The following CLDN16 variants were observed in gnomAD, a reference collection of about 807,000 sequenced individuals.
The protein encoded by CLDN16 is claudin 16.
Under a neutral mutation model 24.6 loss-of-function variants are expected in CLDN16, and 13 were observed. That is an observed-to-expected ratio of 0.53 (90% CI 0.34 to 0.84). CLDN16 has a LOEUF of 0.84. Among genes scored for constraint, CLDN16 ranks in the 40% least tolerant of loss-of-function variants. The probability of loss-of-function intolerance (pLI) is 0.01; values close to 1 mark genes in which losing one functional copy is unlikely to be tolerated. For missense variants in CLDN16, 298 were observed against 292.7 expected (o/e 1.02, Z -0.13); for synonymous variants, 116 against 106.7 (o/e 1.09, Z -0.54).
chr3:190,303,877 CT>C, the CLDN16 span, among the ~76,000 whole-genome samples: 2 of 119,982 alleles, frequency 1.7e-5, no homozygotes, highest in Non-Finnish European at 3.4e-5. Flanking sequence ...TTAACTCCTC[CT>C]TTTCCCCACA....
At chr3:190,383,389 G>A (rs1191297823), upstream of CLDN16, among the ~76,000 whole-genome samples, 1 of 151,970 alleles carries the variant, frequency 6.6e-6, no homozygotes, top group African/African-American at 2.4e-5. Context: ...AGAGAAACAC[G>A]GTAAACCTGT....
chr3:190,293,638 T>A, the CLDN16 span, among the ~76,000 whole-genome samples: 2 of 152,198 alleles, frequency 1.3e-5, no homozygotes, highest in African/African-American at 4.8e-5. Context: ...AATATCCAAT[T>A]GAGAAGTGAG....
chr3:190,368,363 C>T (rs1469219721), intron 1 of CLDN16, among the ~76,000 whole-genome samples: 1 of 151,906 alleles, frequency 6.6e-6, no homozygotes, highest in Non-Finnish European at 1.5e-5. Context: ...AATTCTTTCC[C>T]CCATTGTGCC....
intron 1 of CLDN16, among the ~76,000 whole-genome samples, chr3:190,331,454 C>T (rs561445018): frequency 7.9e-5 from 12 of 152,122 alleles, no homozygotes; most frequent in Admixed American, 2.6e-4. Context: ...TAATCTAGGC[C>T]CTAACTGCAT....
the CLDN16 span, among the ~76,000 whole-genome samples, chr3:190,311,241 A>G: frequency 6.6e-6 from 1 of 152,234 alleles, no homozygotes; most frequent in African/African-American, 2.4e-5. Context: ...AAGCGAAGGA[A>G]GAATGCAATG....
chr3:190,322,529 G>T (rs1397355508), upstream of CLDN16: 1 of 337,500 alleles, frequency 3.0e-6, no homozygotes. Context: ...GGCGGTTTCA[G>T]GGCGGCTCAC....
chr3:190,369,474 A>G (rs1718089304), intron 1 of CLDN16, among the ~76,000 whole-genome samples: 1 of 151,982 alleles, frequency 6.6e-6, no homozygotes, highest in African/African-American at 2.4e-5. Context: ...TTATTACACA[A>G]CAAATATTCA....
At chr3:190,364,867 G>A (rs903814973) in intron 1 of CLDN16, among the ~76,000 whole-genome samples, 1 of 151,162 alleles carries the variant, frequency 6.6e-6, no homozygotes, top group African/African-American at 2.4e-5. Context: ...CACGCCCCAC[G>A]TCACAGAGCC....
chr3:190,340,204 A>G (rs58809120), intron 1 of CLDN16, among the ~76,000 whole-genome samples: 5,983 of 152,304 alleles, frequency 0.039, 394 homozygotes, highest in African/African-American at 0.13. Context: ...CACAGCTAAC[A>G]TAAACAATGG....
chr3:190,357,725 A>G (rs377327106), intron 1 of CLDN16, among the ~76,000 whole-genome samples: 2 of 151,938 alleles, frequency 1.3e-5, no homozygotes, highest in African/African-American at 2.4e-5. Flanking sequence ...CCATCAGCCC[A>G]GATTGCAAAT....
chr3:190,388,549 C>A, intron 1 of CLDN16, 106 bp downstream of exon 1: 1 of 888,750 alleles, frequency 1.1e-6, no homozygotes, highest in Admixed American at 1.7e-5. Context: ...CTAATGATAC[C>A]AAAAATAGGC....
chr3:190,409,186 A>ACACACTTATATGCATGTATATATG lies in CLDN16; in HGVS notation c.574+686_574+687insTTATATGCATGTATATATGCACAC, dbSNP rs1491109328. 1.9e-4 allele frequency among the ~76,000 whole-genome samples: 19 copies of ACACACTTATATGCATGTATATATG among 99,582 alleles called. No individual in the cohort carries two copies. In the South Asian group the frequency reaches 6.0e-3, roughly 31 times the overall value. The allele number at this position is 99,582 out of a possible 152,430, so 65.3% of individuals were successfully genotyped here. On this transcript the variant is annotated intron_variant, in intron 4 of 4. Transcript: ENST00000264734. ...CACCCATGTATATGCATGTATATAT[A>ACACACTTATATGCATGTATATATG]CACACACGTATATGCATGTATATAT...
intron 1 of CLDN16, among the ~76,000 whole-genome samples, chr3:190,357,936 C>T (rs548497372): frequency 1.4e-4 from 21 of 151,896 alleles, no homozygotes; most frequent in African/African-American, 3.6e-4. Flanking sequence ...AATTCCTTCA[C>T]AGGAGAGATT....
intron 3 of CLDN16, among the ~76,000 whole-genome samples, chr3:190,379,981 CT>C (rs201189147): frequency 2.4e-4 from 31 of 127,642 alleles, no homozygotes; most frequent in Non-Finnish European, 4.3e-4. Flanking sequence ...CTCTGTCTAT[CT>C]ATCTATCTAT....
chr3:190,407,047 T>C (rs1719124435), intron 3 of CLDN16, among the ~76,000 whole-genome samples: 1 of 152,156 alleles, frequency 6.6e-6, no homozygotes, highest in East Asian at 1.9e-4. Flanking sequence ...GCCTATCTGC[T>C]CCTTCTTAAA....
intron 1 of CLDN16, among the ~76,000 whole-genome samples, chr3:190,368,434 A>G (rs1323159379): frequency 2.6e-5 from 4 of 151,980 alleles, no homozygotes; most frequent in Non-Finnish European, 5.9e-5. Flanking sequence ...CCACACAACT[A>G]ACATGATCCA....
At chr3:190,333,983 T>A (rs1216517574) in intron 1 of CLDN16, among the ~76,000 whole-genome samples, 1 of 152,018 alleles carries the variant, frequency 6.6e-6, no homozygotes, top group Non-Finnish European at 1.5e-5. Context: ...ATCTAAAATT[T>A]GAGACAAGGA....
In CLDN16 at chr3:190,409,963, T is replaced by C. The variant is rs764121096; in HGVS notation, c.635T>C (p.Val212Ala). The change falls in exon 5 of 5, where the codon GTT becomes GCT. Residue 212 changes from valine (V) to alanine (A), a missense_variant. Coordinates refer to ENST00000264734, the MANE Select transcript of CLDN16 (RefSeq NM_006580.4). Reference protein sequence around the residue: ...SLRKAYSAAGVSMAKSYSAPR... With the variant: ...SLRKAYSAAGASMAKSYSAPR... The stretch of plus-strand genomic sequence containing the variant: ...AGGAAAGCCTATTCAGCCGCGGGTG[T>C]TTCCATGGCCAAGTCATACTCAGCC... The C allele has an allele frequency of 6.2e-7, 1 of 1,614,018 alleles. No homozygotes were observed. The highest frequency in any genetic ancestry group is 8.5e-7 in the Non-Finnish European group (1 of 1,179,954).
rs1410222628 is a variant in CLDN16 at position 190,380,130 on chromosome 3, T to TCCTTCCTTCCTTCCTTCCTTCCTC, written n.306+5539_306+5540insCCTTCCTTCCTCCCTTCCTTCCTT. Among the ~76,000 whole-genome samples the TCCTTCCTTCCTTCCTTCCTTCCTC allele has an allele frequency of 4.6e-5, 2 of 43,936 alleles. 1 individual carries two copies. Among genetic ancestry groups the TCCTTCCTTCCTTCCTTCCTTCCTC allele is most frequent in the Non-Finnish European group, 8.5e-5 (2 of 23,580 alleles). 28.8% of individuals were successfully genotyped at this position (43,936 alleles called of 152,430 possible). On this transcript the variant is annotated intron_variant and non_coding_transcript_variant, in intron 3 of 4. Transcript: ENST00000468220. ...TGGTGAATCCCATTCCTTCCTTTCT[T>TCCTTCCTTCCTTCCTTCCTTCCTC]CCTTCCTTCCTTTTCTTCCTTCCCT...
Sources: gnomAD v4.1 joint callset for allele counts (sites outside exome capture counted in the v4.1 genomes callset) on GRCh38, gnomAD v4.1.1 for gene constraint, MANE v1.5 for transcripts, NCBI Gene and HGNC (gene_info 2026-07-23, HGNC 2026-07-21) for gene names.